TMEM184B: variants seen among roughly 807,000 people sequenced by gnomAD.
TMEM184B encodes transmembrane protein 184B.
Under a neutral mutation model 41.8 loss-of-function variants are expected in TMEM184B, and 17 were observed. The ratio of observed to expected loss-of-function variants is 0.41; its 90% CI spans 0.28 to 0.61. The LOEUF (loss-of-function observed/expected upper bound fraction) is 0.61, where lower values mean the gene tolerates loss of function less well. Among genes scored for constraint, TMEM184B ranks in the 20% least tolerant of loss-of-function variants. The pLI is 0.34. For synonymous variants in TMEM184B, 240 were observed against 229.5 expected, an observed-to-expected ratio of 1.05 and a Z score of -0.41; for missense variants, 393 against 557.8, an observed-to-expected ratio of 0.70 and a Z score of 2.98.
intron 1 of TMEM184B, among the ~76,000 whole-genome samples, chr22:38,259,832 G>C (rs886519706): frequency 2.6e-5 from 4 of 152,164 alleles, no homozygotes; most frequent in African/African-American, 9.7e-5. Flanking sequence ...CTGGAGTGCA[G>C]TGGTGCGATC....
intron 1 of TMEM184B, among the ~76,000 whole-genome samples, chr22:38,260,791 G>C (rs1326149216): frequency 6.6e-6 from 1 of 152,138 alleles, no homozygotes; most frequent in African/African-American, 2.4e-5. Flanking sequence ...TGGGACCCAG[G>C]TTCTGTTGCT....
rs551050686 is a variant in TMEM184B, at chr22:38,222,048, G to A, written c.983-338C>T. 2.9e-5 allele frequency: 9 copies of A among 312,768 alleles called. No homozygotes were observed. The East Asian group carries it at 6.5e-4, about 22-fold the overall frequency. 19.4% of individuals were successfully genotyped at this position (312,768 alleles called of 1,614,324 possible). ...GAATGCCCCAGAGAGGCCAGAGCAG[G>A]CTCAGCACTGACTGAAGTTGGGGCA... On this transcript the variant is annotated intron_variant, in intron 8 of 8. Transcript: ENST00000361906.
At chr22:38,264,378 C>T (rs1209149553) in intron 1 of TMEM184B, among the ~76,000 whole-genome samples, 1 of 152,130 alleles carries the variant, frequency 6.6e-6, no homozygotes, top group Non-Finnish European at 1.5e-5. Flanking sequence ...TCCCCAGGCG[C>T]CCATGAAGAT....
rs547287156 is a variant in TMEM184B at position 38,224,952 on chromosome 22, C to T, written c.815G>A (p.Cys272Tyr). The change falls in exon 8 of 9, where the codon TGT (cysteine) becomes TAT (tyrosine). Residue 272 changes from cysteine (C) to tyrosine (Y), a missense_variant. Coordinates refer to ENST00000361906, the MANE Select transcript of TMEM184B (RefSeq NM_012264.5). ...QGMLLAILEK[C>Y]GAIPKIHSAR... is the part of the protein sequence containing the mutation. The stretch of plus-strand genomic sequence containing the variant: ...CGAGTGGATTTTGGGGATGGCCCCA[C>T]ACTTCTCCAGGATGGCCAGGAGCAT... 2.5e-6 allele frequency: 4 copies of T among 1,591,650 alleles called. No individual in the cohort carries two copies. Among genetic ancestry groups the T allele is most frequent in the East Asian group, 2.3e-5 (1 of 44,116 alleles).
chr22:38,225,588 G>A lies in TMEM184B; in HGVS notation c.623C>T (p.Thr208Ile), dbSNP rs1452124459. Residue 208 changes from threonine (T) to isoleucine (I), a missense_variant, in exon 7 of 9, where the codon ACC becomes ATC. Around this residue, in one of 2 missense-constraint regions of TMEM184B, gnomAD observed 271 missense variants for 434.1 expected, o/e 0.62. Coordinates refer to ENST00000361906, the MANE Select transcript of TMEM184B (RefSeq NM_012264.5). The surrounding 1 kb of genome is among the most constrained non-coding windows in gnomAD (Gnocchi z 4.4). ...GKYRDGDFDVTSGYLYVTIIY... is the reference protein window; with the variant it reads ...GKYRDGDFDVISGYLYVTIIY... ...GATGGTCACGTAGAGGTAGCCACTG[G>A]TGACGCTGCGGGACGGGGAGCATTT... 6.2e-7 allele frequency: 1 copy of A among 1,605,286 alleles called. No individual in the cohort carries two copies. Among genetic ancestry groups the A allele is most frequent in the Non-Finnish European group, 8.5e-7 (1 of 1,176,764 alleles).
At chr22:38,218,537 T>C (rs1017363561), downstream of TMEM184B, among the ~76,000 whole-genome samples, 1 of 137,178 alleles carries the variant, frequency 7.3e-6, no homozygotes. Context: ...TGGCTGGGTA[T>C]GGGGCCCGCG....
chr22:38,219,611 G>C lies in TMEM184B; in HGVS notation c.*1858C>G. ...GTCGGGCACATGTTCCCGTCCCCAC[G>C]ACCCCACGGACCGCTGATTCCCTGC... On this transcript the variant is annotated 3_prime_UTR_variant, in exon 9 of 9. Transcript: ENST00000361906. The C allele has an allele frequency of 1.0e-6, 1 of 984,818 alleles. No individual in the cohort carries two copies. Among genetic ancestry groups the C allele is most frequent in the Non-Finnish European group, 1.2e-6 (1 of 829,854 alleles). The allele number at this position is 984,818 out of a possible 1,614,324, so 61.0% of individuals were successfully genotyped here.
intron 3 of TMEM184B, among the ~76,000 whole-genome samples, chr22:38,244,076 G>A (rs1395541791): frequency 6.6e-6 from 1 of 152,172 alleles, no homozygotes; most frequent in Non-Finnish European, 1.5e-5. Context: ...TGATGTGGCC[G>A]CAGTTGGGGG....
chr22:38,261,383 G>C (rs1474695820), intron 1 of TMEM184B, among the ~76,000 whole-genome samples: 2 of 152,156 alleles, frequency 1.3e-5, no homozygotes, highest in Admixed American at 6.5e-5. Flanking sequence ...AACAAGCGGA[G>C]GCCACTCTAG....
At chr22:38,233,052 A>G (rs2091677964) in intron 3 of TMEM184B, among the ~76,000 whole-genome samples, 1 of 152,180 alleles carries the variant, frequency 6.6e-6, no homozygotes, top group Non-Finnish European at 1.5e-5. Context: ...CACTCATGGC[A>G]CACACGGGGC....
chr22:38,231,866 G>A lies in TMEM184B; in HGVS notation c.359-532C>T, dbSNP rs534634257. 2.8e-4 allele frequency: 61 copies of A among 216,594 alleles called. 1 individual carries two copies. In the South Asian group the frequency reaches 3.9e-3, roughly 14 times the overall value. The allele number at this position is 216,594 out of a possible 1,614,324, so 13.4% of individuals were successfully genotyped here. On this transcript the variant is annotated intron_variant, in intron 3 of 8. Coordinates refer to ENST00000361906, the MANE Select transcript of TMEM184B (RefSeq NM_012264.5). ...GCAGTACGGTGACCTCCTGGGAGTG[G>A]GGGATCACCAGGTTGCCGAAGGAGG...
At chr22:38,250,478 T>C (rs1441240179) in intron 1 of TMEM184B, among the ~76,000 whole-genome samples, 2 of 152,158 alleles carry the variant, frequency 1.3e-5, no homozygotes, top group Non-Finnish European at 2.9e-5. Context: ...GTGGCAAGCT[T>C]TGAAAAAGAG....
At chr22:38,265,280 C>CA (rs2092428174) in intron 1 of TMEM184B, among the ~76,000 whole-genome samples, 1 of 152,182 alleles carries the variant, frequency 6.6e-6, no homozygotes, top group Non-Finnish European at 1.5e-5. Context: ...ACCCTTGTTC[C>CA]AGAGAGCACC....
rs956768813 is a variant in TMEM184B at position 38,242,023 on chromosome 22, T to C, written c.358+3912A>G. Among the ~76,000 whole-genome samples the C allele has an allele frequency of 3.3e-5, 5 of 150,300 alleles. No homozygotes were observed. The South Asian group carries it at 1.1e-3, about 32-fold the overall frequency. On this transcript the variant is annotated intron_variant, in intron 3 of 8. Coordinates refer to ENST00000361906, the MANE Select transcript of TMEM184B (RefSeq NM_012264.5). ...ACCAGTACAAGCATATTTTAGGTCA[T>C]TCTAGGAAGAAAACAGCTGAAAGAG...
At chr22:38,247,004 C>T (rs548643514) in intron 2 of TMEM184B, 12 of 496,088 alleles carry the variant, frequency 2.4e-5, no homozygotes, top group Non-Finnish European at 3.7e-5. Flanking sequence ...CTAGGGAACA[C>T]GAGCAGACTC....
chr22:38,228,039 G>A (rs770724913), intron 5 of TMEM184B, among the ~76,000 whole-genome samples: 4 of 152,312 alleles, frequency 2.6e-5, no homozygotes, highest in African/African-American at 4.8e-5. Context: ...AGTGGGAACC[G>A]TGATCCGTGA....
At chr22:38,250,324 G>A (rs940877885) in intron 1 of TMEM184B, among the ~76,000 whole-genome samples, 2 of 152,250 alleles carry the variant, frequency 1.3e-5, no homozygotes. Context: ...CACCCTAGGA[G>A]AGCCCTGTAC....
chr22:38,227,028 CGAAGGGATG>C (rs973186811), intron 5 of TMEM184B, among the ~76,000 whole-genome samples, 158 bp from the exon 6 acceptor site: 1 of 140,726 alleles, frequency 7.1e-6, no homozygotes, highest in African/African-American at 2.8e-5. Context: ...GATGGAGGGA[CGAAGGGATG>C]GAGGGGATGG....
In TMEM184B at chr22:38,220,985, A is replaced by C. The variant is rs1333018217; in HGVS notation, c.*484T>G. 3.0e-6 allele frequency: 3 copies of C among 994,248 alleles called. No homozygotes were observed. In the Admixed American group the frequency reaches 1.7e-4, roughly 57 times the overall value. The allele number at this position is 994,248 out of a possible 1,614,324, so 61.6% of individuals were successfully genotyped here. On this transcript the variant is annotated 3_prime_UTR_variant, in exon 9 of 9. Coordinates refer to ENST00000361906, the MANE Select transcript of TMEM184B (RefSeq NM_012264.5). ...CCCACTCCTGCCCGGGGTGAGGTGAATCTAGCACTGGACAAAGGTGGACAG... is the reference window on the plus strand; with the variant it reads ...CCCACTCCTGCCCGGGGTGAGGTGACTCTAGCACTGGACAAAGGTGGACAG...
Sources: allele counts gnomAD v4.1 joint callset (sites outside exome capture counted in the v4.1 genomes callset), GRCh38; gene constraint gnomAD v4.1.1; regional missense constraint gnomAD v4.1.1; non-coding constraint Gnocchi (gnomAD v3.1); transcripts MANE v1.5; gene names NCBI Gene and HGNC (gene_info 2026-07-23, HGNC 2026-07-21).